The following PDK1 variants were observed in gnomAD, a reference collection of about 807,000 sequenced individuals.
The protein encoded by PDK1 is pyruvate dehydrogenase kinase 1.
In PDK1, 39 loss-of-function variants were observed where a neutral mutation model predicts 54.2. The observed-to-expected ratio is 0.72, with a 90% CI of 0.56 to 0.94. The LOEUF (loss-of-function observed/expected upper bound fraction) is 0.94, where lower values mean the gene tolerates loss of function less well. Among genes scored for constraint, PDK1 ranks in the 40% least tolerant of loss-of-function variants. The pLI, the probability that PDK1 is intolerant of heterozygous loss-of-function variation, is 0.00. For missense variants in PDK1, 552 were observed against 566.0 expected (o/e 0.98, Z 0.25); for synonymous variants, 221 against 207.1 (o/e 1.07, Z -0.58).
At chr2:172,592,407 G>A (rs903733897) in intron 9 of PDK1, among the ~76,000 whole-genome samples, 41 of 150,668 alleles carry the variant, frequency 2.7e-4, no homozygotes, top group African/African-American at 9.3e-4. Context: ...CTCCCTCTTT[G>A]TCCCTGTCTC....
At chr2:172,556,029 G>GGGGGCCGCGCCGGTGACAGC, upstream of PDK1, 1 of 680,934 alleles carries the variant, frequency 1.5e-6, no homozygotes. Context: ...CTAGGAGGGT[G>GGGGGCCGCGCCGGTGACAGC]GGGGCCGCGC....
the PDK1 span, among the ~76,000 whole-genome samples, chr2:172,699,763 T>A: frequency 0.043 from 6,531 of 151,982 alleles, 194 homozygotes; most frequent in African/African-American, 0.087. Flanking sequence ...TATTATTATT[T>A]TTTTTTTAGT....
At chr2:172,623,774 A>T in the PDK1 span, among the ~76,000 whole-genome samples, 128 of 152,326 alleles carry the variant, frequency 8.4e-4, no homozygotes, top group African/African-American at 3.0e-3. Flanking sequence ...GATATGAAAA[A>T]AAAATGTGAC....
the PDK1 span, among the ~76,000 whole-genome samples, chr2:172,695,398 A>C: frequency 6.6e-6 from 1 of 152,162 alleles, no homozygotes; most frequent in African/African-American, 2.4e-5. Context: ...TGCACACAAC[A>C]TAGACAACAG....
chr2:172,702,375 G>A, the PDK1 span, among the ~76,000 whole-genome samples: 1 of 152,068 alleles, frequency 6.6e-6, no homozygotes, highest in Admixed American at 6.5e-5. Context: ...TACTCGGGAG[G>A]CTGGGGCAGA....
At chr2:172,569,951 G>A (rs1428103181) in intron 7 of PDK1, among the ~76,000 whole-genome samples, 1 of 152,126 alleles carries the variant, frequency 6.6e-6, no homozygotes, top group Admixed American at 6.5e-5. Flanking sequence ...TATGATTGAG[G>A]CACTCCGTAT....
At chr2:172,719,701 T>G in the PDK1 span, among the ~76,000 whole-genome samples, 1 of 152,254 alleles carries the variant, frequency 6.6e-6, no homozygotes, top group Non-Finnish European at 1.5e-5. Flanking sequence ...TTATTTCCAG[T>G]TTCCAATATA....
intron 5 of PDK1, among the ~76,000 whole-genome samples, chr2:172,565,453 A>T (rs577518349): frequency 5.9e-5 from 9 of 152,182 alleles, no homozygotes; most frequent in Non-Finnish European, 1.2e-4. Context: ...ACAGATGCTC[A>T]ACACTACGCC....
At chr2:172,722,019 G>C in the PDK1 span, among the ~76,000 whole-genome samples, 2 of 152,340 alleles carry the variant, frequency 1.3e-5, no homozygotes, top group Admixed American at 1.3e-4. Context: ...CTGTGTTCTA[G>C]CAAATATAAA....
At chr2:172,687,398 C>T in the PDK1 span, among the ~76,000 whole-genome samples, 1 of 151,972 alleles carries the variant, frequency 6.6e-6, no homozygotes. Context: ...CATCACAAAT[C>T]CTTCTCTGAA....
At chr2:172,686,727 T>C in the PDK1 span, among the ~76,000 whole-genome samples, 3 of 152,194 alleles carry the variant, frequency 2.0e-5, no homozygotes, top group African/African-American at 7.2e-5. Flanking sequence ...AGCTGTAACA[T>C]TCACTGCAAA....
chr2:172,593,033 A>G lies in PDK1; in HGVS notation c.1155A>G (p.Ala385=), dbSNP rs773801776. Residue 385 remains alanine, a synonymous_variant, in exon 10 of 11, where the codon GCA becomes GCG. Transcript: ENST00000282077. ...CCCTAGAGGGTTACGGGACAGATGCAGTTATCTACATTAAGGTAATAGCTG... is the reference window on the plus strand; with the variant it reads ...CCCTAGAGGGTTACGGGACAGATGCGGTTATCTACATTAAGGTAATAGCTG... ...LYSLEGYGTD[A]VIYIKALSTD... is the part of the protein sequence containing the mutation. 1.4e-5 allele frequency: 22 copies of G among 1,545,030 alleles called. No individual in the cohort carries two copies. The highest frequency in any genetic ancestry group is 2.0e-5 in the Non-Finnish European group (22 of 1,117,606).
At chr2:172,649,215 C>A in the PDK1 span, among the ~76,000 whole-genome samples, 2 of 152,200 alleles carry the variant, frequency 1.3e-5, no homozygotes, top group Non-Finnish European at 2.9e-5. Context: ...GATACCCAGG[C>A]AAACAGCACC....
chr2:172,640,130 C>T, the PDK1 span, among the ~76,000 whole-genome samples: 1 of 152,162 alleles, frequency 6.6e-6, no homozygotes, highest in Non-Finnish European at 1.5e-5. Flanking sequence ...GTGATAGAGG[C>T]CATGGACTAC....
In PDK1 at chr2:172,602,227, G is replaced by A. The variant is rs1414323785; in HGVS notation, c.*6258G>A. On this transcript the variant is annotated 3_prime_UTR_variant, in exon 11 of 11. Transcript: ENST00000282077. Reference sequence around the variant, plus strand: ...CCAATCTTGTTTATGAACATAGATGGAAAAATTGCTGATGAAATATTGGCA... The same window carrying A: ...CCAATCTTGTTTATGAACATAGATGAAAAAATTGCTGATGAAATATTGGCA... 1 of 152,190 alleles carries A rather than the reference G, an allele frequency of 6.6e-6. No individual in the cohort carries two copies. The highest frequency in any genetic ancestry group is 2.4e-5 in the African/African-American group (1 of 41,452). 9.4% of individuals were successfully genotyped at this position (152,190 alleles called of 1,614,324 possible).
At chr2:172,670,611 GTAAATAC>G in the PDK1 span, among the ~76,000 whole-genome samples, 3 of 152,124 alleles carry the variant, frequency 2.0e-5, no homozygotes, top group East Asian at 5.8e-4. Flanking sequence ...TGGGCATTAA[GTAAATAC>G]TCAAAGAAAT....
Position 172,556,651 on chromosome 2 carries a change from C to T in PDK1, c.196+305C>T, listed in dbSNP as rs914956748. 12 of 280,908 alleles carry T rather than the reference C, an allele frequency of 4.3e-5. No individual in the cohort carries two copies. In the South Asian group the frequency reaches 5.6e-4, roughly 13 times the overall value. 17.4% of individuals were successfully genotyped at this position (280,908 alleles called of 1,614,324 possible). On this transcript the variant is annotated intron_variant, in intron 1 of 10. Transcript: ENST00000282077. ...AGGTGCGCGCTAGGCCAGGCCCCTT[C>T]CAAGGAGTCGGACCCGGGTGGGAGG...
At chr2:172,682,745 C>T in the PDK1 span, among the ~76,000 whole-genome samples, 1 of 152,160 alleles carries the variant, frequency 6.6e-6, no homozygotes, top group Admixed American at 6.5e-5. Context: ...GGAAATCTAG[C>T]CTACCCTAAC....
At chr2:172,658,237 C>T in the PDK1 span, among the ~76,000 whole-genome samples, 1 of 152,062 alleles carries the variant, frequency 6.6e-6, no homozygotes, top group Admixed American at 6.5e-5. Flanking sequence ...TCAGGGACCC[C>T]GAATGGAGGG....
Sources: allele counts gnomAD v4.1 joint callset (sites outside exome capture counted in the v4.1 genomes callset), GRCh38; gene constraint gnomAD v4.1.1; transcripts MANE v1.5; gene names NCBI Gene and HGNC (gene_info 2026-07-23, HGNC 2026-07-21).